Variants in ATP23 observed in about 807,000 individuals in gnomAD.
The protein encoded by ATP23 is mitochondrial inner membrane protease ATP23 homolog.
In ATP23, 24 loss-of-function variants were observed where a neutral mutation model predicts 28.5. That is an observed-to-expected ratio of 0.84 (90% CI 0.61 to 1.18). The LOEUF is 1.18. Among genes scored for constraint, ATP23 ranks in the 50% most tolerant of loss-of-function variants. The probability of loss-of-function intolerance (pLI) is 0.00; values close to 1 mark genes in which losing one functional copy is unlikely to be tolerated. For missense variants in ATP23, 274 were observed against 306.4 expected (o/e 0.89, Z 0.79); for synonymous variants, 99 against 108.6 (o/e 0.91, Z 0.55).
chr12:57,944,543 C>A (rs564969472), intron 1 of ATP23, among the ~76,000 whole-genome samples: 22 of 152,306 alleles, frequency 1.4e-4, no homozygotes, highest in African/African-American at 5.1e-4. Context: ...TGTGCTATTG[C>A]TGGCCAGATA....
At chr12:57,955,709 A>G (rs546052438) in intron 5 of ATP23, among the ~76,000 whole-genome samples, 24 of 152,322 alleles carry the variant, frequency 1.6e-4, no homozygotes, top group Non-Finnish European at 2.6e-4. Context: ...TTTTGGCTTC[A>G]CATGGTTCTT....
rs118136412 is a variant in ATP23 at position 57,952,439 on chromosome 12, C to G, written c.453+544C>G. ...GCTTGCCCAGCTGCCTTCCATAGAGCTCCTTGCTTGCCCTAGAGTAAAACA... is the reference window on the plus strand; with the variant it reads ...GCTTGCCCAGCTGCCTTCCATAGAGGTCCTTGCTTGCCCTAGAGTAAAACA... On this transcript the variant is annotated intron_variant, in intron 4 of 5. Transcript: ENST00000300145. 7.9e-4 allele frequency among the ~76,000 whole-genome samples: 120 copies of G among 152,306 alleles called. 1 individual carries two copies. In the East Asian group the frequency reaches 0.021, roughly 27 times the overall value.
In ATP23 at chr12:57,958,545, G is replaced by A. The variant is rs11172396; in HGVS notation, c.*1655G>A. Among the ~76,000 whole-genome samples, 4,520 of 152,216 alleles carry A rather than the reference G, an allele frequency of 0.03. 231 individuals carry two copies. Among genetic ancestry groups the A allele is most frequent in the African/African-American group, 0.1 (4,275 of 41,498 alleles). ...ATCCACAGCCGAGAGACCCATAGACGGTTCACATCACAGGATTCTGTGCAG... is the reference window on the plus strand; with the variant it reads ...ATCCACAGCCGAGAGACCCATAGACAGTTCACATCACAGGATTCTGTGCAG... On this transcript the variant is annotated 3_prime_UTR_variant, in exon 6 of 6. Transcript: ENST00000300145.
At chr12:57,951,666 G>C (rs188642623) in intron 3 of ATP23, 92 bp from the exon 4 acceptor site, 54 of 1,406,548 alleles carry the variant, frequency 3.8e-5, no homozygotes, top group African/African-American at 2.0e-4. Context: ...GTGAGCTTGT[G>C]GGGGAGAGGT....
intron 5 of ATP23, among the ~76,000 whole-genome samples, chr12:57,954,850 C>G (rs969768026): frequency 1.2e-4 from 19 of 152,124 alleles, no homozygotes; most frequent in African/African-American, 4.6e-4. Flanking sequence ...TCACAGTGAG[C>G]TACTCAGAAA....
rs1023931463 is a variant in ATP23 at position 57,945,657 on chromosome 12, A to G, written c.217A>G (p.Met73Val). 12 of 1,613,778 alleles carry G rather than the reference A, an allele frequency of 7.4e-6. No individual in the cohort carries two copies. The highest frequency in any genetic ancestry group is 1.0e-5 in the Non-Finnish European group (12 of 1,179,912). The change falls in exon 2 of 6, where the codon ATG becomes GTG. Residue 73 changes from methionine (M) to valine (V), a missense_variant. Physicochemically the swap from Met to Val is conservative, Grantham distance 21. Coordinates refer to ENST00000300145, the MANE Select transcript of ATP23 (RefSeq NM_033276.4). ...NPYVKLLLDA[M>V]KHSGCAVNKD... ...ATATGTCAAACTTCTGCTTGATGCT[A>G]TGAAACACTCAGGTTGGTAAGTAAC...
chr12:57,947,902 CT>C (rs1454848999), intron 3 of ATP23, among the ~76,000 whole-genome samples: 2 of 152,128 alleles, frequency 1.3e-5, no homozygotes, highest in Non-Finnish European at 2.9e-5. Context: ...ATAATTCATA[CT>C]TAACTACACT....
chr12:57,953,966 G>A (rs1264908666), intron 5 of ATP23, among the ~76,000 whole-genome samples: 6 of 152,132 alleles, frequency 3.9e-5, no homozygotes, highest in South Asian at 2.1e-4. Flanking sequence ...AGGCCGAGGC[G>A]GGCGGATCAC....
chr12:57,953,568 G>C (rs748436780), intron 4 of ATP23, 38 bp from the exon 5 acceptor site: 65 of 1,549,446 alleles, frequency 4.2e-5, no homozygotes, highest in Admixed American at 1.2e-4. Flanking sequence ...TATAGAGCAT[G>C]AGCGTTTATT....
At chr12:57,944,605 A>G (rs1397640442) in intron 1 of ATP23, among the ~76,000 whole-genome samples, 1 of 152,192 alleles carries the variant, frequency 6.6e-6, no homozygotes, top group African/African-American at 2.4e-5. Context: ...GGCTCTTTCA[A>G]TCTACTGTCT....
intron 5 of ATP23, among the ~76,000 whole-genome samples, chr12:57,955,846 T>A (rs1332331839): frequency 6.6e-6 from 1 of 152,182 alleles, no homozygotes; most frequent in Non-Finnish European, 1.5e-5. Flanking sequence ...ACCAGGCCAA[T>A]GAAAAACTGG....
In ATP23 at chr12:57,957,903, G is replaced by A. The variant is rs1189202519; in HGVS notation, c.*1013G>A. ...AGCCTCCCGGCCAGAACTTGGGAGAGGGCACAAATCCCATGTGCAGAATCC... is the reference window on the plus strand; with the variant it reads ...AGCCTCCCGGCCAGAACTTGGGAGAAGGCACAAATCCCATGTGCAGAATCC... On this transcript the variant is annotated 3_prime_UTR_variant, in exon 6 of 6. Transcript: ENST00000300145. 6.6e-6 allele frequency among the ~76,000 whole-genome samples: 1 copy of A among 152,198 alleles called. No individual in the cohort carries two copies. Among genetic ancestry groups the A allele is most frequent in the African/African-American group, 2.4e-5 (1 of 41,442 alleles).
At chr12:57,950,222 A>G (rs973903515) in intron 3 of ATP23, among the ~76,000 whole-genome samples, 2 of 151,974 alleles carry the variant, frequency 1.3e-5, no homozygotes, top group Non-Finnish European at 2.9e-5. Flanking sequence ...AGAGCTTCCC[A>G]TTGCTCTTAG....
intron 2 of ATP23, among the ~76,000 whole-genome samples, chr12:57,946,317 G>T (rs1956760399): frequency 6.6e-6 from 1 of 152,132 alleles, no homozygotes; most frequent in South Asian, 2.1e-4. Context: ...TGTTATGTAG[G>T]AACCTTGCAG....
chr12:57,949,894 T>A (rs1272246570), intron 3 of ATP23: 3 of 152,342 alleles, frequency 2.0e-5, no homozygotes, highest in Non-Finnish European at 4.4e-5. Flanking sequence ...GTCTTTTAGT[T>A]TTGCATATCT....
chr12:57,947,408 A>G (rs1461284341), intron 3 of ATP23, among the ~76,000 whole-genome samples: 1 of 152,196 alleles, frequency 6.6e-6, no homozygotes. Context: ...TTAGGGGCAG[A>G]GCAGGGACAG....
intron 4 of ATP23, among the ~76,000 whole-genome samples, chr12:57,952,153 A>G (rs1011095465): frequency 6.6e-6 from 1 of 152,126 alleles, no homozygotes; most frequent in African/African-American, 2.4e-5. Context: ...ATTTTTTCCT[A>G]TGGAATATAT....
intron 3 of ATP23, among the ~76,000 whole-genome samples, chr12:57,951,286 G>T (rs1373402062): frequency 6.6e-6 from 1 of 152,190 alleles, no homozygotes; most frequent in Non-Finnish European, 1.5e-5. Context: ...ACAGTTCTAT[G>T]AGGTAGCTAC....
chr12:57,947,102 C>A, intron 3 of ATP23, 26 bp downstream of exon 3: 7 of 1,603,994 alleles, frequency 4.4e-6, no homozygotes, highest in Non-Finnish European at 5.1e-6. Context: ...AAATTGTTTC[C>A]TTCCCTTTAA....
Sources: gnomAD v4.1 joint callset for allele counts (sites outside exome capture counted in the v4.1 genomes callset) on GRCh38, gnomAD v4.1.1 for gene constraint, MANE v1.5 for transcripts, NCBI Gene and HGNC (gene_info 2026-07-23, HGNC 2026-07-21) for gene names.